Variants in ADAM7 observed in about 807,000 individuals in gnomAD.
The protein encoded by ADAM7 is disintegrin and metalloproteinase domain-containing protein 7.
ADAM7 carries 97 observed loss-of-function variants against 102.9 expected under a neutral mutation model. The observed-to-expected ratio is 0.94, with a 90% confidence interval of 0.80 to 1.12. The LOEUF is 1.12. Among genes scored for constraint, ADAM7 ranks in the 50% most tolerant of loss-of-function variants. The pLI is 0.00. For synonymous variants in ADAM7, 334 were observed against 304.4 expected, an observed-to-expected ratio of 1.10 and a Z score of -1.01; for missense variants, 991 against 908.7, an observed-to-expected ratio of 1.09 and a Z score of -1.16.
chr8:24,445,586 C>G (rs1207594677), intron 2 of ADAM7, among the ~76,000 whole-genome samples: 1 of 152,212 alleles, frequency 6.6e-6, no homozygotes, highest in Non-Finnish European at 1.5e-5. Context: ...CTCAAATCAT[C>G]TGCATTCATC....
chr8:24,448,616 C>T (rs183656195), intron 3 of ADAM7, among the ~76,000 whole-genome samples: 3 of 151,876 alleles, frequency 2.0e-5, no homozygotes, highest in East Asian at 3.9e-4. Flanking sequence ...TCTCCATGAC[C>T]ACACTTTTCA....
At chr8:24,454,754 G>A (rs149322701) in intron 3 of ADAM7, among the ~76,000 whole-genome samples, 20,898 of 152,090 alleles carry the variant, frequency 0.14, 1,657 homozygotes, top group Non-Finnish European at 0.18. Flanking sequence ...CATCGCTCAC[G>A]CTGGGAGCTG....
chr8:24,487,058 C>T, intron 10 of ADAM7, 129 bp from the exon 11 acceptor site: 1 of 941,244 alleles, frequency 1.1e-6, no homozygotes, highest in Non-Finnish European at 1.5e-6. Context: ...TAACTGAGTC[C>T]ATGCCTTTTT....
intron 2 of ADAM7, among the ~76,000 whole-genome samples, chr8:24,443,726 C>T (rs113929510): frequency 6.7e-4 from 102 of 152,098 alleles, no homozygotes; most frequent in African/African-American, 2.2e-3. Context: ...TCACGTGAGG[C>T]CAGGAGTTCA....
chr8:24,494,422 GC>G (rs1204465646), intron 16 of ADAM7, among the ~76,000 whole-genome samples: 1 of 151,742 alleles, frequency 6.6e-6, no homozygotes. Flanking sequence ...CAAAAGATTT[GC>G]TATTCACCTC....
chr8:24,493,191 G>C lies in ADAM7; in HGVS notation c.1804G>C (p.Gly602Arg), dbSNP rs780945850. The change falls in exon 16 of 22, where the codon GGC becomes CGC. Residue 602 changes from glycine to arginine, a missense_variant. Transcript: ENST00000175238. ...IFLYHDSTDI[G>R]LVASGTKCGE... ...TTTATACCATGATTCTACAGACATT[G>C]GCCTGGTGGCGTCAGGAACAAAATG... 1 of 1,609,884 alleles carries C rather than the reference G, an allele frequency of 6.2e-7. No individual in the cohort carries two copies. The highest frequency in any genetic ancestry group is 8.5e-7 in the Non-Finnish European group (1 of 1,178,580).
chr8:24,492,355 ATAGTTTT>A, intron 14 of ADAM7, 133 bp from the exon 15 acceptor site: 1 of 718,358 alleles, frequency 1.4e-6, no homozygotes, highest in Non-Finnish European at 2.2e-6. Context: ...AGGCAATAGG[ATAGTTTT>A]TAAATAATTT....
intron 7 of ADAM7, among the ~76,000 whole-genome samples, chr8:24,473,546 G>A (rs966050622): frequency 4.6e-5 from 7 of 152,120 alleles, no homozygotes; most frequent in African/African-American, 1.7e-4. Flanking sequence ...AGCAAAGTAA[G>A]TCATATGTCC....
chr8:24,498,377 G>T (rs537468026), intron 16 of ADAM7, among the ~76,000 whole-genome samples: 97 of 151,578 alleles, frequency 6.4e-4, no homozygotes, highest in Non-Finnish European at 1.1e-3. Context: ...GAAAATGATA[G>T]AATTATTTAG....
rs186641084 is a variant in ADAM7 at position 24,486,601 on chromosome 8, G to A, written c.961-586G>A. ...AAGAAACAATAGAAAGTTATTTCTCGGAGGCTAGGAAATCCAAGATTAAGT... is the reference window on the plus strand; with the variant it reads ...AAGAAACAATAGAAAGTTATTTCTCAGAGGCTAGGAAATCCAAGATTAAGT... On this transcript the variant is annotated intron_variant, in intron 10 of 21. Transcript: ENST00000175238. Among the ~76,000 whole-genome samples the A allele has an allele frequency of 7.6e-4, 116 of 152,134 alleles. 1 individual carries two copies. The highest frequency in any genetic ancestry group is 8.4e-4 in the Non-Finnish European group (57 of 67,994).
At chr8:24,455,175 G>C (rs1271061938) in intron 3 of ADAM7, among the ~76,000 whole-genome samples, 6 of 151,756 alleles carry the variant, frequency 4.0e-5, no homozygotes, top group Non-Finnish European at 5.9e-5. Flanking sequence ...GAGCAGAATT[G>C]AAAAAAATCC....
Position 24,489,155 on chromosome 8 carries a change from C to T in ADAM7, c.1092-4C>T, listed in dbSNP as rs1165583971. On this transcript the variant is annotated splice_polypyrimidine_tract_variant and splice_region_variant and intron_variant, in intron 11 of 21. Coordinates refer to ENST00000175238, the MANE Select transcript of ADAM7 (RefSeq NM_003817.4). ...TCTTTATTTTTACCTCATTCTATCT[C>T]TAGCATTCCTGCACTGAAATTCAGT... is the stretch of plus-strand genomic sequence containing the variant. 6.2e-7 allele frequency: 1 copy of T among 1,606,490 alleles called. No homozygotes were observed. Among genetic ancestry groups the T allele is most frequent in the Non-Finnish European group, 8.5e-7 (1 of 1,176,650 alleles).
chr8:24,450,559 A>G (rs1319462440), intron 3 of ADAM7, among the ~76,000 whole-genome samples: 3 of 152,104 alleles, frequency 2.0e-5, no homozygotes, highest in South Asian at 4.2e-4. Flanking sequence ...GGCTGAGACA[A>G]TGGGGTTTTC....
chr8:24,464,798 A>T (rs1219473140), intron 4 of ADAM7, among the ~76,000 whole-genome samples: 8 of 122,010 alleles, frequency 6.6e-5, no homozygotes, highest in African/African-American at 2.4e-4. Flanking sequence ...GCGGGGTTTC[A>T]CCATGTTGGC....
intron 9 of ADAM7, among the ~76,000 whole-genome samples, chr8:24,483,204 G>A (rs940872417): frequency 6.6e-6 from 1 of 152,058 alleles, no homozygotes; most frequent in Non-Finnish European, 1.5e-5. Context: ...TATCATTTTT[G>A]TTATTCAAGA....
At chr8:24,481,986 T>G (rs1404969522) in intron 8 of ADAM7, among the ~76,000 whole-genome samples, 156 bp from the exon 9 acceptor site, 1 of 152,178 alleles carries the variant, frequency 6.6e-6, no homozygotes, top group East Asian at 1.9e-4. Flanking sequence ...TGTCCCATTT[T>G]GATATATCTG....
chr8:24,471,465 G>T (rs1585884768), intron 7 of ADAM7, among the ~76,000 whole-genome samples: 1 of 146,542 alleles, frequency 6.8e-6, no homozygotes, highest in Non-Finnish European at 1.5e-5. Flanking sequence ...AGTGTACCAG[G>T]TTTTTTTTTT....
Position 24,468,766 on chromosome 8 carries a change from G to A in ADAM7, c.580-1G>A. 1.9e-6 allele frequency: 3 copies of A among 1,612,886 alleles called. No homozygotes were observed. In the South Asian group the frequency reaches 3.3e-5, roughly 18 times the overall value. ...CAACTGAATTTTCCCTAACTTTACAGGGCATCCATGATGAAAAGTATGTTG... is the reference window on the plus strand; with the variant it reads ...CAACTGAATTTTCCCTAACTTTACAAGGCATCCATGATGAAAAGTATGTTG... On this transcript the variant is annotated splice_acceptor_variant, in intron 6 of 21. Transcript: ENST00000175238. LOFTEE classifies it high-confidence loss of function.
At position 24,487,330 on chromosome 8, in the gene ADAM7, C is replaced by G; in HGVS notation, c.1091+13C>G. 6.2e-7 allele frequency: 1 copy of G among 1,612,654 alleles called. No homozygotes were observed. The highest frequency in any genetic ancestry group is 8.5e-7 in the Non-Finnish European group (1 of 1,179,212). On this transcript the variant is annotated intron_variant, in intron 11 of 21. Transcript: ENST00000175238. ...ACAGTGATGGAAGGTGAGATTCGAA[C>G]AATGTACAGAATACACTTACATAAT...
Sources: gnomAD v4.1 joint callset for allele counts (sites outside exome capture counted in the v4.1 genomes callset) on GRCh38, gnomAD v4.1.1 for gene constraint, MANE v1.5 for transcripts, NCBI Gene and HGNC (gene_info 2026-07-23, HGNC 2026-07-21) for gene names.